HMCN1: variants seen among roughly 807,000 people sequenced by gnomAD.
The protein encoded by HMCN1 is hemicentin-1.
HMCN1 carries 321 observed loss-of-function variants against 625.9 expected under a neutral mutation model. The ratio of observed to expected loss-of-function variants is 0.51; its 90% CI spans 0.47 to 0.56. The LOEUF is 0.56. Among genes scored for constraint, HMCN1 ranks in the 20% least tolerant of loss-of-function variants. The pLI, the probability that HMCN1 is intolerant of heterozygous loss-of-function variation, is 0.00. For synonymous variants in HMCN1, 2,425 were observed against 2,417.6 expected (o/e 1.00, Z -0.09); for missense variants, 6,588 against 6,887.3 (o/e 0.96, Z 1.54).
At chr1:186,001,780 G>T (rs1458510067) in intron 28 of HMCN1, 39 bp downstream of exon 28, 2 of 1,552,860 alleles carry the variant, frequency 1.3e-6, no homozygotes, top group Non-Finnish European at 1.8e-6. Context: ...CAATTCAGAA[G>T]CATTTCTTAC....
intron 93 of HMCN1, among the ~76,000 whole-genome samples, chr1:186,147,706 T>C (rs1355185822): frequency 6.6e-6 from 1 of 152,232 alleles, no homozygotes; most frequent in African/African-American, 2.4e-5. Context: ...ATGTTTACAC[T>C]ATTCTGTAGT....
At chr1:185,984,450 A>G in intron 19 of HMCN1, 137 bp downstream of exon 19, 3 of 910,658 alleles carry the variant, frequency 3.3e-6, no homozygotes, top group Non-Finnish European at 5.3e-6. Context: ...CTTGAACAAT[A>G]TCTACATTGT....
intron 105 of HMCN1, among the ~76,000 whole-genome samples, chr1:186,182,856 A>T (rs980292791): frequency 6.6e-6 from 1 of 152,226 alleles, no homozygotes; most frequent in Non-Finnish European, 1.5e-5. Flanking sequence ...CATGTAAATA[A>T]AACAAACAAA....
chr1:185,758,728 A>T (rs1019251882), intron 1 of HMCN1, among the ~76,000 whole-genome samples: 1 of 151,928 alleles, frequency 6.6e-6, no homozygotes, highest in African/African-American at 2.4e-5. Flanking sequence ...TCTTTTCCTC[A>T]TATTTTTCTT....
chr1:185,919,344 A>T (rs1299444331), intron 6 of HMCN1, among the ~76,000 whole-genome samples: 1 of 151,978 alleles, frequency 6.6e-6, no homozygotes, highest in Non-Finnish European at 1.5e-5. Flanking sequence ...TTATGTTCTC[A>T]TTGCCTTCTG....
chr1:185,978,365 A>G (rs1195898211), intron 16 of HMCN1, among the ~76,000 whole-genome samples: 3 of 152,160 alleles, frequency 2.0e-5, no homozygotes, highest in Non-Finnish European at 2.9e-5. Flanking sequence ...ATTTTGTCAA[A>G]CAGTACATAA....
chr1:186,091,785 C>A (rs1462099096), intron 64 of HMCN1, among the ~76,000 whole-genome samples: 1 of 151,820 alleles, frequency 6.6e-6, no homozygotes, highest in Non-Finnish European at 1.5e-5. Flanking sequence ...ACATTGTGGA[C>A]CAATATGTAA....
intron 46 of HMCN1, among the ~76,000 whole-genome samples, chr1:186,061,105 C>G (rs1657661157): frequency 6.6e-6 from 1 of 152,104 alleles, no homozygotes; most frequent in South Asian, 2.1e-4. Flanking sequence ...CTACCTCTAT[C>G]TATCTCTTCA....
At chr1:186,155,452 T>A (rs1244983294) in intron 97 of HMCN1, among the ~76,000 whole-genome samples, 1 of 152,114 alleles carries the variant, frequency 6.6e-6, no homozygotes, top group African/African-American at 2.4e-5. Flanking sequence ...CAAATCTAAC[T>A]TCTGTTTCTA....
intron 1 of HMCN1, among the ~76,000 whole-genome samples, chr1:185,784,511 T>C (rs7532062): frequency 0.052 from 7,630 of 147,830 alleles, 585 homozygotes; most frequent in African/African-American, 0.17. Flanking sequence ...CACTTTTCTC[T>C]TTTTTTTTTG....
chr1:185,877,321 CTTTTTT>C (rs71557837), intron 4 of HMCN1, among the ~76,000 whole-genome samples: 15 of 34,908 alleles, frequency 4.3e-4, no homozygotes, highest in African/African-American at 1.2e-3. Flanking sequence ...ATGTGTCTTT[CTTTTTT>C]TTTTTTTTTT....
At chr1:185,826,392 TC>T (rs1445480463) in intron 1 of HMCN1, among the ~76,000 whole-genome samples, 1 of 152,138 alleles carries the variant, frequency 6.6e-6, no homozygotes, top group East Asian at 1.9e-4. Flanking sequence ...CTCCAGATCC[TC>T]CCAAAGGAGG....
chr1:186,113,002 C>T, intron 72 of HMCN1, 49 bp downstream of exon 72: 1 of 1,599,106 alleles, frequency 6.3e-7, no homozygotes, highest in Non-Finnish European at 8.6e-7. Context: ...TGACCAAGGG[C>T]ATTCAAAGAG....
At position 185,909,718 on chromosome 1, in the gene HMCN1, C is replaced by T. The variant is rs547285365; in HGVS notation, c.793+210C>T. On this transcript the variant is annotated intron_variant, in intron 5 of 106. Transcript: ENST00000271588. ...TGAGATGCAAAAAGTTAAAACTTCT[C>T]GTATTTAAAGAGGTCAGATGTAGTA... is the stretch of plus-strand genomic sequence containing the variant. 1.3e-4 allele frequency among the ~76,000 whole-genome samples: 19 copies of T among 151,966 alleles called. No homozygotes were observed. In the South Asian group the frequency reaches 3.7e-3, roughly 30 times the overall value.
In HMCN1 at chr1:186,093,578, A is replaced by T. The variant is rs1571342959; in HGVS notation, c.10105A>T (p.Thr3369Ser). Reference protein sequence around the residue: ...SINIECRATGTPPPQINWLKN... With the variant: ...SINIECRATGSPPPQINWLKN... Reference sequence around the variant, plus strand: ...AAATATTGAATGCAGAGCCACAGGGACGCCTCCACCACAGATAAACTGGCT... The same window carrying T: ...AAATATTGAATGCAGAGCCACAGGGTCGCCTCCACCACAGATAAACTGGCT... Residue 3369 changes from threonine to serine, a missense_variant, in exon 66 of 107, where the codon ACG becomes TCG. Coordinates refer to ENST00000271588, the MANE Select transcript of HMCN1 (RefSeq NM_031935.3). 6.2e-7 allele frequency: 1 copy of T among 1,613,474 alleles called. No individual in the cohort carries two copies.
At chr1:186,185,468 A>C (rs1653233983) in intron 105 of HMCN1, among the ~76,000 whole-genome samples, 2 of 152,236 alleles carry the variant, frequency 1.3e-5, no homozygotes, top group Non-Finnish European at 2.9e-5. Flanking sequence ...GGCAGTAGGC[A>C]AGACTTCACT....
chr1:185,830,232 G>T (rs865810117), intron 1 of HMCN1, among the ~76,000 whole-genome samples: 1 of 151,978 alleles, frequency 6.6e-6, no homozygotes, highest in African/African-American at 2.4e-5. Context: ...CTTTTGCTTT[G>T]CAGAAGCTCT....
At chr1:186,144,732 T>G in intron 91 of HMCN1, 29 bp downstream of exon 91, 1 of 1,611,174 alleles carries the variant, frequency 6.2e-7, no homozygotes, top group Non-Finnish European at 8.5e-7. Context: ...GAGTCAACAT[T>G]ATACTTTCAT....
At chr1:186,050,905 A>G (rs931062617) in intron 42 of HMCN1, among the ~76,000 whole-genome samples, 10 of 152,058 alleles carry the variant, frequency 6.6e-5, no homozygotes, top group African/African-American at 2.2e-4. Flanking sequence ...AATAGTCAAA[A>G]TTAAAATTAA....
Sources: allele counts gnomAD v4.1 joint callset (sites outside exome capture counted in the v4.1 genomes callset), GRCh38; gene constraint gnomAD v4.1.1; transcripts MANE v1.5; gene names NCBI Gene and HGNC (gene_info 2026-07-23, HGNC 2026-07-21).